Variants in TNRC6B observed in about 807,000 individuals in gnomAD.
TNRC6B encodes trinucleotide repeat containing adaptor 6B, also known as trinucleotide repeat-containing gene 6B protein.
Under a neutral mutation model 203.6 loss-of-function variants are expected in TNRC6B, and 52 were observed. The observed-to-expected ratio is 0.26, with a 90% confidence interval of 0.20 to 0.32. The LOEUF (loss-of-function observed/expected upper bound fraction) is 0.32. TNRC6B is among the 10% of genes least tolerant of loss of function. The pLI is 1.00. For synonymous variants in TNRC6B, 838 were observed against 845.7 expected (o/e 0.99, Z 0.16); for missense variants, 1,923 against 2,286.2 (o/e 0.84, Z 3.24).
upstream of TNRC6B, among the ~76,000 whole-genome samples, chr22:40,173,420 C>A (rs2069021697): frequency 9.8e-6 from 1 of 101,758 alleles, no homozygotes; most frequent in African/African-American, 5.9e-5. Context: ...ATTCAGTTTA[C>A]TCTTTTTTTT....
chr22:40,093,437 C>T (rs574697580), intron 1 of TNRC6B, among the ~76,000 whole-genome samples: 2 of 152,214 alleles, frequency 1.3e-5, no homozygotes, highest in South Asian at 2.1e-4. Flanking sequence ...ATAACTAAAT[C>T]GTCTGAATCA....
Position 40,262,187 on chromosome 22 carries a change from T to A in TNRC6B, c.457+14T>A. ...GGACTGCGCCAGGTAAGGCACCCTG[T>A]GAATCGAATGCATGGCAGCTTGACA... On this transcript the variant is annotated intron_variant, in intron 4 of 22. Coordinates refer to ENST00000454349, the MANE Select transcript of TNRC6B (RefSeq NM_001162501.2). The A allele has an allele frequency of 7.3e-7, 1 of 1,367,060 alleles. No homozygotes were observed. The highest frequency in any genetic ancestry group is 9.6e-7 in the Non-Finnish European group (1 of 1,044,424). The allele number at this position is 1,367,060 out of a possible 1,614,324, so 84.7% of individuals were successfully genotyped here. A position where few individuals can be genotyped will look rare whatever the true frequency, so the allele number is the denominator to read the frequency against.
chr22:40,125,685 A>G (rs751119421), intron 2 of TNRC6B: 13 of 801,794 alleles, frequency 1.6e-5, no homozygotes, highest in Non-Finnish European at 2.3e-5. Context: ...CTGTGGCCTT[A>G]TTGAGAGAAT....
chr22:40,177,832 C>T (rs2069079924), upstream of TNRC6B: 1 of 1,305,872 alleles, frequency 7.7e-7, no homozygotes. Context: ...AAGGCAGTCT[C>T]AGCTCCAGCT....
chr22:40,116,263 C>A (rs1233830468), intron 1 of TNRC6B, among the ~76,000 whole-genome samples: 5 of 151,856 alleles, frequency 3.3e-5, no homozygotes, highest in Non-Finnish European at 7.4e-5. Context: ...CCCAGATGAG[C>A]CTCTGCTGGG....
At position 40,270,178 on chromosome 22, in the gene TNRC6B, C is replaced by A; in HGVS notation, c.2863C>A (p.Pro955Thr). 1 of 1,580,028 alleles carries A rather than the reference C, an allele frequency of 6.3e-7. No individual in the cohort carries two copies. ...PDNGTSAWGE[P>T]NESSPGWGEM... is the part of the protein sequence containing the mutation. ...TAATGGTACTTCCGCTTGGGGTGAG[C>A]CAAATGAAAGCAGTCCTGGGTGGGG... is the stretch of plus-strand genomic sequence containing the variant. Residue 955 changes from proline (P) to threonine (T), a missense_variant, in exon 6 of 23, where the codon CCA becomes ACA. Pro to Thr is a conservative substitution (Grantham distance 38). Coordinates refer to ENST00000454349, the MANE Select transcript of TNRC6B (RefSeq NM_001162501.2).
chr22:40,249,002 C>A (rs2070147364), intron 2 of TNRC6B, among the ~76,000 whole-genome samples: 1 of 152,186 alleles, frequency 6.6e-6, no homozygotes, highest in South Asian at 2.1e-4. Flanking sequence ...AGCTAGGAGC[C>A]ATAAAATGTG....
chr22:40,262,792 C>T (rs2070406839), intron 4 of TNRC6B, among the ~76,000 whole-genome samples: 1 of 152,116 alleles, frequency 6.6e-6, no homozygotes, highest in Admixed American at 6.5e-5. Flanking sequence ...GTAATCCCAG[C>T]ACTTTGGGAG....
Position 40,265,489 on chromosome 22 carries a change from G to C in TNRC6B, c.1259G>C (p.Gly420Ala), listed in dbSNP as rs971188439. ...PSQSTGDRKTGSVGSWGAARG... is the reference protein window; with the variant it reads ...PSQSTGDRKTASVGSWGAARG... ...CAAAGCACTGGAGATCGAAAGACTG[G>C]GAGTGTTGGATCTTGGGGTGCAGCT... The change falls in exon 5 of 23, where the codon GGG becomes GCG. Residue 420 changes from glycine (G) to alanine (A), a missense_variant. Gly to Ala is a moderately conservative substitution (Grantham distance 60, BLOSUM62 0). Transcript: ENST00000454349. 3 of 1,613,814 alleles carry C rather than the reference G, an allele frequency of 1.9e-6. No individual in the cohort carries two copies. In the Admixed American group the frequency reaches 5.0e-5, roughly 27 times the overall value.
chr22:40,264,590 C>A, intron 4 of TNRC6B, 98 bp from the exon 5 acceptor site: 1 of 1,325,756 alleles, frequency 7.5e-7, no homozygotes, highest in Non-Finnish European at 1.0e-6. Flanking sequence ...ATGTGATCAG[C>A]TCTCCTAAGG....
intron 1 of TNRC6B, among the ~76,000 whole-genome samples, chr22:40,058,314 G>A (rs1344228096): frequency 1.3e-5 from 2 of 152,224 alleles, no homozygotes; most frequent in Non-Finnish European, 2.9e-5. Context: ...AGATGTAAAA[G>A]ACATCACATT....
intron 22 of TNRC6B, 108 bp from the exon 23 acceptor site, chr22:40,322,746 C>G: frequency 7.6e-7 from 1 of 1,322,068 alleles, no homozygotes. Context: ...GATATGGCAG[C>G]TTCTAGTCAA....
At chr22:40,257,743 C>G (rs941740990) in intron 3 of TNRC6B, among the ~76,000 whole-genome samples, 5 of 148,586 alleles carry the variant, frequency 3.4e-5, no homozygotes, top group African/African-American at 1.2e-4. Flanking sequence ...GAATGGACGG[C>G]CAGGTGCGGT....
intron 2 of TNRC6B, among the ~76,000 whole-genome samples, chr22:40,124,921 G>A (rs1017757369): frequency 5.3e-5 from 8 of 151,800 alleles, no homozygotes; most frequent in African/African-American, 1.7e-4. Flanking sequence ...ACTGAGGCAG[G>A]AGCATCGCTT....
At chr22:40,050,584 C>T (rs1012092725) in intron 1 of TNRC6B, among the ~76,000 whole-genome samples, 1 of 152,164 alleles carries the variant, frequency 6.6e-6, no homozygotes, top group Non-Finnish European at 1.5e-5. Flanking sequence ...TTTATGCTCT[C>T]GTCCCACTAC....
At chr22:40,235,892 T>C (rs1324270271) in intron 1 of TNRC6B, among the ~76,000 whole-genome samples, 1 of 152,124 alleles carries the variant, frequency 6.6e-6, no homozygotes. Flanking sequence ...ATAAAGAAAA[T>C]GATTTAAAGT....
At chr22:40,245,594 A>G (rs752723984) in intron 1 of TNRC6B, among the ~76,000 whole-genome samples, 7 of 152,206 alleles carry the variant, frequency 4.6e-5, no homozygotes, top group African/African-American at 7.2e-5. Flanking sequence ...TTTATGATAA[A>G]TACATATGTA....
intron 1 of TNRC6B, among the ~76,000 whole-genome samples, chr22:40,229,380 C>CGG (rs535747312): frequency 6.6e-6 from 1 of 151,858 alleles, no homozygotes; most frequent in Non-Finnish European, 1.5e-5. Context: ...ATCTCACTTA[C>CGG]GGGGCTGTGT....
intron 1 of TNRC6B, among the ~76,000 whole-genome samples, chr22:40,069,212 G>A (rs578119956): frequency 2.0e-5 from 3 of 151,906 alleles, no homozygotes; most frequent in African/African-American, 4.8e-5. Context: ...AGCAGCCCTC[G>A]CACCTCAGCC....
Sources: gnomAD v4.1 joint callset for allele counts (sites outside exome capture counted in the v4.1 genomes callset) on GRCh38, gnomAD v4.1.1 for gene constraint, MANE v1.5 for transcripts, NCBI Gene and HGNC (gene_info 2026-07-23, HGNC 2026-07-21) for gene names.